The following ZNF705G variants were observed in gnomAD, a reference collection of about 807,000 sequenced individuals.
ZNF705G encodes zinc finger protein 705G, also known as putative zinc finger protein 705G.
Under a neutral mutation model 19.6 loss-of-function variants are expected in ZNF705G, and 23 were observed. The ratio of observed to expected loss-of-function variants is 1.17; its 90% confidence interval spans 0.84 to 1.66. The LOEUF is 1.66. ZNF705G is among the 40% of genes most tolerant of loss of function. ZNF705G has a pLI of 0.00. For missense variants in ZNF705G, 457 were observed against 354.4 expected, an observed-to-expected ratio of 1.29 and a Z score of -2.32; for synonymous variants, 146 against 117.7, an observed-to-expected ratio of 1.24 and a Z score of -1.56.
chr8:7,357,691 A>G lies in ZNF705G; in HGVS notation c.*285T>C, dbSNP rs1198455282. 1 of 561,630 alleles carries G rather than the reference A, an allele frequency of 1.8e-6. No homozygotes were observed. The highest frequency in any genetic ancestry group is 3.1e-6 in the Non-Finnish European group (1 of 327,162). 34.8% of individuals were successfully genotyped at this position (561,630 alleles called of 1,614,324 possible). ...TGAATTTATTGATGTGGACTGAAGA[A>G]TAAAGGTAACTGAAGTATCTTCCAT... On this transcript the variant is annotated 3_prime_UTR_variant, in exon 7 of 7. Coordinates refer to ENST00000400156, the MANE Select transcript of ZNF705G (RefSeq NM_001164457.3).
In ZNF705G at chr8:7,356,530, C is replaced by T. The variant is rs1194606570; in HGVS notation, c.*1446G>A. ...CTTTGATACAGCCTCCATTTCCCTG[C>T]TAAATCTATGCAATGACACACTGAG... On this transcript the variant is annotated 3_prime_UTR_variant, in exon 7 of 7. Coordinates refer to ENST00000400156, the MANE Select transcript of ZNF705G (RefSeq NM_001164457.3). 3 of 149,668 alleles carry T rather than the reference C, an allele frequency of 2.0e-5. 1 individual carries two copies. The highest frequency in any genetic ancestry group is 7.7e-5 in the African/African-American group (3 of 39,048). The allele number at this position is 149,668 out of a possible 1,614,324, so 9.3% of individuals were successfully genotyped here.
intron 1 of ZNF705G, among the ~76,000 whole-genome samples, chr8:7,384,092 G>A (rs1314897723): frequency 1.0e-5 from 1 of 95,402 alleles, no homozygotes; most frequent in Non-Finnish European, 2.0e-5. Flanking sequence ...TGTAAGCTGT[G>A]GTCTTTGCAA....
At chr8:7,385,090 A>G (rs1385551782) in intron 1 of ZNF705G, among the ~76,000 whole-genome samples, 2 of 147,692 alleles carry the variant, frequency 1.4e-5, no homozygotes, top group Non-Finnish European at 2.9e-5. Flanking sequence ...TGACAGCAAT[A>G]GAGCTTGAGG....
intron 2 of ZNF705G, among the ~76,000 whole-genome samples, chr8:7,369,600 A>G (rs1214018717): frequency 1.3e-5 from 2 of 149,822 alleles, no homozygotes; most frequent in Middle Eastern, 3.4e-3. Context: ...GTGCACTCAT[A>G]TATTTATTAT....
At chr8:7,381,088 G>C (rs1247041567) in intron 2 of ZNF705G, among the ~76,000 whole-genome samples, 1 of 121,830 alleles carries the variant, frequency 8.2e-6, no homozygotes, top group Non-Finnish European at 1.6e-5. Context: ...CTGGTAAACA[G>C]AAAGTGGTCA....
intron 2 of ZNF705G, among the ~76,000 whole-genome samples, chr8:7,379,737 C>G (rs1338432820): frequency 1.4e-5 from 2 of 147,272 alleles, no homozygotes; most frequent in Non-Finnish European, 2.9e-5. Context: ...GACAGTCTCT[C>G]AGCCCTCGCA....
At chr8:7,376,407 T>C (rs1447615299) in intron 2 of ZNF705G, among the ~76,000 whole-genome samples, 2 of 102,892 alleles carry the variant, frequency 1.9e-5, no homozygotes, top group Non-Finnish European at 3.9e-5. Flanking sequence ...AAAAAAGTGC[T>C]GGTTTTTATA....
At chr8:7,378,980 C>A (rs1466398724) in intron 2 of ZNF705G, among the ~76,000 whole-genome samples, 3 of 149,586 alleles carry the variant, frequency 2.0e-5, no homozygotes, top group African/African-American at 5.1e-5. Context: ...GTGCTTTTAC[C>A]ACCTGTCACA....
At chr8:7,380,261 GC>G (rs1240809495) in intron 2 of ZNF705G, among the ~76,000 whole-genome samples, 4 of 145,358 alleles carry the variant, frequency 2.8e-5, no homozygotes, top group African/African-American at 1.1e-4. Context: ...CTATTCCAGG[GC>G]CAGAGCACAG....
chr8:7,357,820 A>G lies in ZNF705G; in HGVS notation c.*156T>C. 8.6e-7 allele frequency: 1 copy of G among 1,161,654 alleles called. No individual in the cohort carries two copies. Among genetic ancestry groups the G allele is most frequent in the Non-Finnish European group, 1.2e-6 (1 of 852,752 alleles). 72.0% of individuals were successfully genotyped at this position (1,161,654 alleles called of 1,614,324 possible). On this transcript the variant is annotated 3_prime_UTR_variant, in exon 7 of 7. Transcript: ENST00000400156. ...ATTCCTTACCTTTGTCATTCCTAAC[A>G]CCGTGTCATCTAAAGTCAGAATATG...
At chr8:7,360,521 A>T (rs1295185489) in intron 4 of ZNF705G, among the ~76,000 whole-genome samples, 189 bp from the exon 5 acceptor site, 1 of 149,330 alleles carries the variant, frequency 6.7e-6, no homozygotes, top group East Asian at 1.9e-4. Context: ...AATCCAAACC[A>T]AAGGTCCATC....
In ZNF705G at chr8:7,361,093, A is replaced by C; in HGVS notation, c.139+17T>G. 1 of 1,592,736 alleles carries C rather than the reference A, an allele frequency of 6.3e-7. No homozygotes were observed. The stretch of plus-strand genomic sequence containing the variant: ...GAATGTGTCTCTACATATGTACATG[A>C]ATGTTCAGGGACTCACCGAGGGACA... On this transcript the variant is annotated intron_variant, in intron 4 of 6. Coordinates refer to ENST00000400156, the MANE Select transcript of ZNF705G (RefSeq NM_001164457.3).
intron 2 of ZNF705G, among the ~76,000 whole-genome samples, chr8:7,364,702 A>G (rs1471526077): frequency 1.3e-5 from 2 of 149,566 alleles, no homozygotes; most frequent in Non-Finnish European, 2.9e-5. Flanking sequence ...ATGCACATTT[A>G]CAGACTTCAA....
chr8:7,366,556 T>C (rs756175633), intron 2 of ZNF705G, among the ~76,000 whole-genome samples: 12 of 149,632 alleles, frequency 8.0e-5, no homozygotes, highest in Non-Finnish European at 1.5e-4. Context: ...CTTGGCGCAA[T>C]TTTTAAAGTA....
chr8:7,383,153 T>G (rs1807578147), intron 1 of ZNF705G, among the ~76,000 whole-genome samples: 2 of 144,408 alleles, frequency 1.4e-5, no homozygotes, highest in African/African-American at 2.7e-5. Context: ...TTTTGCTACC[T>G]GGTTAAAAGC....
intron 1 of ZNF705G, among the ~76,000 whole-genome samples, chr8:7,383,521 A>G (rs1357531114): frequency 6.8e-6 from 1 of 146,662 alleles, no homozygotes; most frequent in Non-Finnish European, 1.5e-5. Flanking sequence ...GAATCAATAC[A>G]TGAATGAATA....
intron 2 of ZNF705G, among the ~76,000 whole-genome samples, chr8:7,367,203 G>A (rs1311892461): frequency 1.3e-5 from 2 of 149,486 alleles, no homozygotes. Flanking sequence ...GATATACAAG[G>A]CTTGTCTTGT....
intron 2 of ZNF705G, among the ~76,000 whole-genome samples, chr8:7,371,155 A>G (rs537429246): frequency 7.1e-6 from 1 of 140,344 alleles, no homozygotes; most frequent in East Asian, 2.2e-4. Context: ...AAACCCTGTC[A>G]TTTGTGACAA....
chr8:7,380,788 G>T (rs577340419), intron 2 of ZNF705G, among the ~76,000 whole-genome samples: 4 of 145,902 alleles, frequency 2.7e-5, no homozygotes, highest in Admixed American at 2.0e-4. Context: ...GGAAGGCTGA[G>T]GGGGGCAGAT....
Sources: gnomAD v4.1 joint callset for allele counts (sites outside exome capture counted in the v4.1 genomes callset) on GRCh38, gnomAD v4.1.1 for gene constraint, MANE v1.5 for transcripts, NCBI Gene and HGNC (gene_info 2026-07-23, HGNC 2026-07-21) for gene names.